Variants in MAGI1 observed in about 807,000 individuals in gnomAD.
MAGI1 encodes membrane-associated guanylate kinase, WW and PDZ domain-containing protein 1.
In MAGI1, 58 loss-of-function variants were observed where a neutral mutation model predicts 139.9. The observed-to-expected ratio is 0.41, with a 90% CI of 0.34 to 0.52. The LOEUF (loss-of-function observed/expected upper bound fraction) is 0.52, where lower values mean the gene tolerates loss of function less well. Among genes scored for constraint, MAGI1 ranks in the 20% least tolerant of loss-of-function variants. The pLI is 0.12. For synonymous variants in MAGI1, 812 were observed against 737.9 expected, an observed-to-expected ratio of 1.10 and a Z score of -1.63; for missense variants, 1,874 against 1,901.6, an observed-to-expected ratio of 0.99 and a Z score of 0.27.
At chr3:65,605,697 C>T (rs1413105386) in intron 2 of MAGI1, among the ~76,000 whole-genome samples, 3 of 152,162 alleles carry the variant, frequency 2.0e-5, no homozygotes, top group East Asian at 1.9e-4. Flanking sequence ...TACAATATCA[C>T]ACTTACTATT....
rs566601578 is a variant in MAGI1, at chr3:65,552,040, A to G, written c.431-58409T>C. Among the ~76,000 whole-genome samples the G allele has an allele frequency of 4.1e-4, 62 of 152,308 alleles. 1 individual carries two copies. The highest frequency in any genetic ancestry group is 1.4e-3 in the African/African-American group (59 of 41,568). ...CAGTGAGATATTCCTGTCAGAGTGA[A>G]AGTGATTTTCAATTTCAAATAATTA... On this transcript the variant is annotated intron_variant, in intron 2 of 22. Transcript: ENST00000402939.
intron 1 of MAGI1, among the ~76,000 whole-genome samples, chr3:65,825,501 G>C (rs985696325): frequency 1.3e-5 from 2 of 152,122 alleles, no homozygotes; most frequent in Non-Finnish European, 2.9e-5. Flanking sequence ...ATAAATCAGA[G>C]CTCTTTCTTC....
chr3:65,774,246 G>A (rs555857721), intron 1 of MAGI1, among the ~76,000 whole-genome samples: 13 of 152,264 alleles, frequency 8.5e-5, no homozygotes, highest in African/African-American at 2.9e-4. Flanking sequence ...AAGAAGTCCT[G>A]AGCAGGGTGA....
chr3:65,809,995 C>T (rs988499003), intron 1 of MAGI1, among the ~76,000 whole-genome samples: 4 of 152,030 alleles, frequency 2.6e-5, no homozygotes, highest in Non-Finnish European at 2.9e-5. Context: ...CTCTCTCCCT[C>T]TCTCTCACAC....
intron 1 of MAGI1, among the ~76,000 whole-genome samples, chr3:65,674,706 T>C (rs1450898755): frequency 1.3e-5 from 2 of 152,276 alleles, no homozygotes; most frequent in Non-Finnish European, 2.9e-5. Flanking sequence ...AGGTGTTCTC[T>C]GGTTTGAAGG....
intron 2 of MAGI1, among the ~76,000 whole-genome samples, chr3:65,584,742 C>T (rs778519141): frequency 2.0e-5 from 3 of 152,182 alleles, no homozygotes; most frequent in Non-Finnish European, 4.4e-5. Flanking sequence ...ACAAACATTT[C>T]TAGATTCAGG....
At chr3:65,858,522 A>G (rs1201660080) in intron 1 of MAGI1, among the ~76,000 whole-genome samples, 1 of 152,240 alleles carries the variant, frequency 6.6e-6, no homozygotes, top group Non-Finnish European at 1.5e-5. Context: ...CAAAGTTCAA[A>G]TAAAGAATAA....
At chr3:65,964,462 T>C (rs970589612) in intron 1 of MAGI1, among the ~76,000 whole-genome samples, 1 of 151,830 alleles carries the variant, frequency 6.6e-6, no homozygotes, top group Non-Finnish European at 1.5e-5. Flanking sequence ...AGGGCATGAG[T>C]CACTGGTTCC....
chr3:65,492,058 T>A (rs955761521), intron 3 of MAGI1, among the ~76,000 whole-genome samples: 3 of 152,312 alleles, frequency 2.0e-5, no homozygotes, highest in Admixed American at 1.3e-4. Context: ...ATGTCCCTAA[T>A]AAAATAATAA....
chr3:65,604,953 C>A (rs1457709597), intron 2 of MAGI1, among the ~76,000 whole-genome samples: 1 of 152,168 alleles, frequency 6.6e-6, no homozygotes, highest in Non-Finnish European at 1.5e-5. Flanking sequence ...CAAATGGGCT[C>A]TTTTACAGGC....
intron 1 of MAGI1, among the ~76,000 whole-genome samples, chr3:65,853,598 G>A (rs185186651): frequency 6.6e-5 from 10 of 152,224 alleles, no homozygotes; most frequent in African/African-American, 2.4e-4. Context: ...CTTAATATTA[G>A]GGAGACAAGC....
intron 1 of MAGI1, among the ~76,000 whole-genome samples, chr3:65,754,165 A>G (rs1389049587): frequency 6.6e-6 from 1 of 152,184 alleles, no homozygotes; most frequent in African/African-American, 2.4e-5. Flanking sequence ...CAATGATTTT[A>G]AAGGATAAAA....
chr3:65,490,120 G>A (rs1951899454), intron 3 of MAGI1, among the ~76,000 whole-genome samples: 2 of 152,170 alleles, frequency 1.3e-5, no homozygotes, highest in South Asian at 4.1e-4. Flanking sequence ...TTTTGAACTA[G>A]GTGCGTGTAA....
chr3:65,401,553 A>T (rs914334771), intron 12 of MAGI1, 83 bp from the exon 13 acceptor site: 1 of 1,566,440 alleles, frequency 6.4e-7, no homozygotes, highest in African/African-American at 1.4e-5. Context: ...AACAATCCCC[A>T]GGTGTTCCAT....
intron 1 of MAGI1, among the ~76,000 whole-genome samples, chr3:65,781,446 G>A (rs944517947): frequency 3.9e-5 from 6 of 152,030 alleles, no homozygotes; most frequent in East Asian, 3.9e-4. Flanking sequence ...TTTAAGTTCC[G>A]GAGTACATGT....
intron 2 of MAGI1, among the ~76,000 whole-genome samples, chr3:65,494,558 A>G (rs760312644): frequency 2.6e-5 from 4 of 152,238 alleles, no homozygotes; most frequent in Non-Finnish European, 5.9e-5. Context: ...AGAGCAAAAA[A>G]TGTGACTTCT....
At chr3:65,830,806 C>G (rs1434981736) in intron 1 of MAGI1, among the ~76,000 whole-genome samples, 1 of 152,072 alleles carries the variant, frequency 6.6e-6, no homozygotes, top group Non-Finnish European at 1.5e-5. Flanking sequence ...ACAATGGGAC[C>G]TCCATTGTTT....
At position 65,553,146 on chromosome 3, in the gene MAGI1, G is replaced by GT. The variant is rs548937994; in HGVS notation, c.431-59516dup. 4.0e-3 allele frequency among the ~76,000 whole-genome samples: 579 copies of GT among 145,310 alleles called. 5 individuals are homozygous for GT. Among genetic ancestry groups the GT allele is most frequent in the East Asian group, 0.035 (177 of 5,042 alleles). Reference sequence around the variant, plus strand: ...TTAAAATAACAATACTGAGTTGTTGGTTTTTTTTTTTGAGCCCCTGAAGAT... The same window carrying GT: ...TTAAAATAACAATACTGAGTTGTTGGTTTTTTTTTTTTGAGCCCCTGAAGAT... On this transcript the variant is annotated intron_variant, in intron 2 of 22. Transcript: ENST00000402939.
intron 1 of MAGI1, chr3:65,687,563 CTG>C: frequency 2.7e-6 from 1 of 376,204 alleles, no homozygotes; most frequent in Non-Finnish European, 5.4e-6. Flanking sequence ...GATTGACAAT[CTG>C]TGGCTCCAGG....
Sources: allele counts gnomAD v4.1 joint callset (sites outside exome capture counted in the v4.1 genomes callset), GRCh38; gene constraint gnomAD v4.1.1; transcripts MANE v1.5; gene names NCBI Gene and HGNC (gene_info 2026-07-23, HGNC 2026-07-21).